IL17RA: variants seen among roughly 807,000 people sequenced by gnomAD.
The protein encoded by IL17RA is interleukin-17 receptor A.
Under a neutral mutation model 50.4 loss-of-function variants are expected in IL17RA, and 34 were observed. The ratio of observed to expected loss-of-function variants is 0.67; its 90% CI spans 0.51 to 0.90. The LOEUF (loss-of-function observed/expected upper bound fraction) is 0.90, where lower values mean the gene tolerates loss of function less well. IL17RA is among the 40% of genes least tolerant of loss of function. The probability of loss-of-function intolerance (pLI) is 0.00; values close to 1 mark genes in which losing one functional copy is unlikely to be tolerated. For synonymous variants in IL17RA, 585 were observed against 510.4 expected (o/e 1.15, Z -1.97); for missense variants, 1,276 against 1,169.8 (o/e 1.09, Z -1.32).
At position 17,109,997 on chromosome 22, in the gene IL17RA, GGTCTGGTTATC is replaced by G. The variant is rs1168112540; in HGVS notation, c.*182_*192del. Reference sequence around the variant, plus strand: ...CCCTCCTAACTTTTCTTTGTGCAGCGGTCTGGTTATCGTCTATCCCCAGGGGAATCCACACA... The same window carrying G: ...CCCTCCTAACTTTTCTTTGTGCAGCGGTCTATCCCCAGGGGAATCCACACA... On this transcript the variant is annotated 3_prime_UTR_variant, in exon 13 of 13. Coordinates refer to ENST00000319363, the MANE Select transcript of IL17RA (RefSeq NM_014339.7). The G allele has an allele frequency of 7.3e-6, 5 of 682,816 alleles. No individual in the cohort carries two copies. The highest frequency in any genetic ancestry group is 7.2e-5 in the African/African-American group (4 of 55,474). 42.3% of individuals were successfully genotyped at this position (682,816 alleles called of 1,614,324 possible). A position where few individuals can be genotyped will look rare whatever the true frequency, so the allele number is the denominator to read the frequency against.
In IL17RA at chr22:17,098,859, T is replaced by C; in HGVS notation, c.395T>C (p.Leu132Pro). ...CGTTTGTGCGTCAGGTTTGAGTTTC[T>C]GTCCAAACTGAGGCATCACCACAGG... is the stretch of plus-strand genomic sequence containing the variant. ...NERLCVRFEF[L>P]SKLRHHHRRW... Residue 132 changes from leucine to proline, a missense_variant, in exon 4 of 13, where the codon CTG becomes CCG. By Grantham distance (98) the Leu-to-Pro change is moderately conservative (BLOSUM62 -3). Coordinates refer to ENST00000319363, the MANE Select transcript of IL17RA (RefSeq NM_014339.7). The C allele has an allele frequency of 1.9e-6, 3 of 1,614,218 alleles. No homozygotes were observed. The highest frequency in any genetic ancestry group is 2.5e-6 in the Non-Finnish European group (3 of 1,180,020).
At chr22:17,094,703 A>ATATATATATATATG (rs2061362492) in intron 1 of IL17RA, among the ~76,000 whole-genome samples, 1 of 65,882 alleles carries the variant, frequency 1.5e-5, no homozygotes, top group Non-Finnish European at 2.8e-5. Flanking sequence ...ATATATATAT[A>ATATATATATATATG]TATATATATA....
chr22:17,096,967 G>A (rs1382573830), intron 1 of IL17RA, 95 bp from the exon 2 acceptor site: 36 of 1,098,708 alleles, frequency 3.3e-5, no homozygotes, highest in Non-Finnish European at 4.8e-5. Context: ...TGTGTAGATG[G>A]CATTCCTGAG....
intron 11 of IL17RA, among the ~76,000 whole-genome samples, chr22:17,106,925 A>G (rs2061417331): frequency 6.6e-6 from 1 of 152,152 alleles, no homozygotes; most frequent in Non-Finnish European, 1.5e-5. Flanking sequence ...CCTGCACCAC[A>G]GGGTGAAGGC....
At chr22:17,090,111 C>G (rs2061342976) in intron 1 of IL17RA, among the ~76,000 whole-genome samples, 1 of 152,166 alleles carries the variant, frequency 6.6e-6, no homozygotes, top group Non-Finnish European at 1.5e-5. Context: ...CAGCTTCTGC[C>G]TCCTGGGTTC....
chr22:17,107,614 G>A (rs1372885451), intron 11 of IL17RA, 113 bp from the exon 12 acceptor site: 17 of 904,684 alleles, frequency 1.9e-5, no homozygotes, highest in East Asian at 1.2e-4. Flanking sequence ...GCTCAGTCTC[G>A]GGGCTGCCCC....
chr22:17,085,928 C>G (rs2061326003), intron 1 of IL17RA, among the ~76,000 whole-genome samples: 1 of 152,204 alleles, frequency 6.6e-6, no homozygotes. Context: ...AGGCGCGAAG[C>G]CCTGAGGATG....
In IL17RA at chr22:17,114,052, GTC is replaced by G. The variant is rs2061456914; in HGVS notation, c.*4237_*4238del. The G allele has an allele frequency of 6.6e-6, 1 of 152,188 alleles. No homozygotes were observed. Among genetic ancestry groups the G allele is most frequent in the African/African-American group, 2.4e-5 (1 of 41,442 alleles). The allele number at this position is 152,188 out of a possible 1,614,324, so 9.4% of individuals were successfully genotyped here. A position where few individuals can be genotyped will look rare whatever the true frequency, so the allele number is the denominator to read the frequency against. On this transcript the variant is annotated 3_prime_UTR_variant, in exon 13 of 13. Transcript: ENST00000319363. ...AGTAATATGTGTTCCCATATTTGGC[GTC>G]TCTCAGGAGCTCAGGAAGTACTTGG...
intron 5 of IL17RA, 22 bp downstream of exon 5, chr22:17,100,503 A>G (rs2061387045): frequency 6.2e-7 from 1 of 1,613,260 alleles, no homozygotes; most frequent in Non-Finnish European, 8.5e-7. Flanking sequence ...CTCCCAAGAC[A>G]TTCCCTCCCC....
chr22:17,100,138 G>GT (rs199884376), intron 4 of IL17RA, among the ~76,000 whole-genome samples: 1,303 of 76,938 alleles, frequency 0.017, 17 homozygotes, highest in African/African-American at 0.06. Flanking sequence ...CCAGATCCAG[G>GT]TTTAAAAAAA....
At chr22:17,099,915 CAA>C in intron 4 of IL17RA, among the ~76,000 whole-genome samples, 1 of 152,180 alleles carries the variant, frequency 6.6e-6, no homozygotes, top group East Asian at 1.9e-4. Flanking sequence ...ATAATGGTCT[CAA>C]GAGGTTCCTG....
At chr22:17,103,640 GGAGT>G (rs2061399895) in intron 8 of IL17RA, 63 bp downstream of exon 8, 2 of 1,240,296 alleles carry the variant, frequency 1.6e-6, no homozygotes, top group South Asian at 1.3e-5. Flanking sequence ...AGAGTGGACA[GGAGT>G]GAGGAGTGTG....
In IL17RA at chr22:17,103,645, G is replaced by A. The variant is rs185302209; in HGVS notation, c.846+68G>A. 9.8e-6 allele frequency: 12 copies of A among 1,225,084 alleles called. No homozygotes were observed. In the African/African-American group the frequency reaches 1.3e-4, roughly 14 times the overall value. 75.9% of individuals were successfully genotyped at this position (1,225,084 alleles called of 1,614,324 possible). ...TGGCAATTATAGAGTGGACAGGAGT[G>A]AGGAGTGTGCACAGGTGAAGAGTGG... On this transcript the variant is annotated intron_variant, in intron 8 of 12. Transcript: ENST00000319363.
chr22:17,094,689 C>CTATATATA (rs1435523726), intron 1 of IL17RA, among the ~76,000 whole-genome samples: 5 of 39,298 alleles, frequency 1.3e-4, no homozygotes, highest in Middle Eastern at 0.024. Flanking sequence ...CTCTCTCTCT[C>CTATATATA]TCTATATATA....
At chr22:17,097,378 TGTCACTGTAAAGTG>T in intron 2 of IL17RA, 1 of 532,842 alleles carries the variant, frequency 1.9e-6, no homozygotes, top group Non-Finnish European at 3.4e-6. Context: ...TGCCACAGCT[TGTCACTGTAAAGTG>T]AGAGACATCT....
At chr22:17,086,945 C>T (rs1436889552) in intron 1 of IL17RA, among the ~76,000 whole-genome samples, 4 of 152,192 alleles carry the variant, frequency 2.6e-5, no homozygotes, top group African/African-American at 9.7e-5. Context: ...CTCTGACTTT[C>T]ACTGCACAGT....
At chr22:17,090,973 C>G (rs1160946158) in intron 1 of IL17RA, among the ~76,000 whole-genome samples, 2 of 152,164 alleles carry the variant, frequency 1.3e-5, no homozygotes, top group African/African-American at 4.8e-5. Context: ...TTCCATCCCC[C>G]GCTTTCCCCA....
chr22:17,096,249 G>T (rs2061367706), intron 1 of IL17RA, among the ~76,000 whole-genome samples: 1 of 152,160 alleles, frequency 6.6e-6, no homozygotes, highest in Admixed American at 6.5e-5. Context: ...CTGCCCAAGA[G>T]GGAGGCAATA....
At position 17,111,673 on chromosome 22, in the gene IL17RA, G is replaced by A. The variant is rs2061443410; in HGVS notation, c.*1853G>A. ...TCCTTAACTATATTTCCAACCTCCAGTGAGGAGGAGAAGATTCGGAAATGT... is the reference window on the plus strand; with the variant it reads ...TCCTTAACTATATTTCCAACCTCCAATGAGGAGGAGAAGATTCGGAAATGT... On this transcript the variant is annotated 3_prime_UTR_variant, in exon 13 of 13. Transcript: ENST00000319363. 6.6e-6 allele frequency: 1 copy of A among 152,176 alleles called. No individual in the cohort carries two copies. The allele number at this position is 152,176 out of a possible 1,614,324, so 9.4% of individuals were successfully genotyped here.
Sources: allele counts gnomAD v4.1 joint callset (sites outside exome capture counted in the v4.1 genomes callset), GRCh38; gene constraint gnomAD v4.1.1; transcripts MANE v1.5; gene names NCBI Gene and HGNC (gene_info 2026-07-23, HGNC 2026-07-21).